The following ADAMTS19 variants were observed in gnomAD, a reference collection of about 807,000 sequenced individuals.
ADAMTS19 encodes the protein A disintegrin and metalloproteinase with thrombospondin motifs 19.
Under a neutral mutation model 153.3 loss-of-function variants are expected in ADAMTS19, and 93 were observed. The observed-to-expected ratio is 0.61, with a 90% CI of 0.51 to 0.72. The LOEUF (loss-of-function observed/expected upper bound fraction) is 0.72. Ranked by LOEUF, ADAMTS19 falls within the 30% of genes least tolerant of loss-of-function variation. The pLI, the probability that ADAMTS19 is intolerant of heterozygous loss-of-function variation, is 0.00. For missense variants in ADAMTS19, 1,482 were observed against 1,552.1 expected, an observed-to-expected ratio of 0.95 and a Z score of 0.76; for synonymous variants, 600 against 556.6, an observed-to-expected ratio of 1.08 and a Z score of -1.10.
intron 7 of ADAMTS19, among the ~76,000 whole-genome samples, chr5:129,564,067 G>A (rs1364258812): frequency 1.3e-5 from 2 of 152,104 alleles, no homozygotes; most frequent in Non-Finnish European, 2.9e-5. Context: ...TTACAGGCAT[G>A]TGCCACCATG....
chr5:129,680,023 C>G, intron 17 of ADAMTS19, 102 bp downstream of exon 17: 2 of 1,232,694 alleles, frequency 1.6e-6, no homozygotes, highest in Non-Finnish European at 2.2e-6. Context: ...AATTGTCACA[C>G]AGACATTTAA....
At chr5:129,650,752 C>G (rs1753281753) in intron 13 of ADAMTS19, among the ~76,000 whole-genome samples, 1 of 152,034 alleles carries the variant, frequency 6.6e-6, no homozygotes, top group South Asian at 2.1e-4. Context: ...ATATTTAAGA[C>G]TCTCCCACTA....
At chr5:129,540,521 T>C (rs995290043) in intron 6 of ADAMTS19, among the ~76,000 whole-genome samples, 2 of 152,098 alleles carry the variant, frequency 1.3e-5, no homozygotes, top group Non-Finnish European at 2.9e-5. Flanking sequence ...ATTTTATTAA[T>C]GATAGCTTTG....
chr5:129,696,061 C>T (rs1250434657), intron 19 of ADAMTS19, among the ~76,000 whole-genome samples: 3 of 152,136 alleles, frequency 2.0e-5, no homozygotes, highest in African/African-American at 7.2e-5. Flanking sequence ...CTTTCTTAAT[C>T]TCTTTGGGAA....
chr5:129,683,339 A>G (rs1754913373), intron 17 of ADAMTS19, among the ~76,000 whole-genome samples: 1 of 152,006 alleles, frequency 6.6e-6, no homozygotes, highest in Non-Finnish European at 1.5e-5. Context: ...TGGTCCCTGC[A>G]TATAGTTCAG....
At chr5:129,697,716 A>T (rs1047617767) in intron 19 of ADAMTS19, among the ~76,000 whole-genome samples, 7 of 152,248 alleles carry the variant, frequency 4.6e-5, no homozygotes, top group Admixed American at 2.0e-4. Context: ...TACATAAAGT[A>T]GCATTTTTGG....
intron 18 of ADAMTS19, among the ~76,000 whole-genome samples, chr5:129,690,079 T>C (rs1195473028): frequency 1.3e-5 from 2 of 152,220 alleles, no homozygotes; most frequent in Non-Finnish European, 2.9e-5. Flanking sequence ...TACATGCTTA[T>C]ATTTCACTCA....
At chr5:129,540,876 T>C (rs1752633168) in intron 6 of ADAMTS19, among the ~76,000 whole-genome samples, 1 of 152,058 alleles carries the variant, frequency 6.6e-6, no homozygotes, top group Non-Finnish European at 1.5e-5. Flanking sequence ...ATTCACATAA[T>C]GAAACTCTGT....
chr5:129,731,788 T>C (rs1007140664), intron 21 of ADAMTS19, among the ~76,000 whole-genome samples: 3 of 152,102 alleles, frequency 2.0e-5, no homozygotes, highest in Admixed American at 1.3e-4. Context: ...ACTTAAAAGA[T>C]GACAATCAGA....
At chr5:129,634,059 A>C (rs30696) in intron 10 of ADAMTS19, among the ~76,000 whole-genome samples, 63,579 of 151,870 alleles carry the variant, frequency 0.42, 14,809 homozygotes, top group African/African-American at 0.63. Context: ...TTCCAGTTGG[A>C]ACCTAATGTC....
At chr5:129,622,909 T>A (rs1035055809) in intron 10 of ADAMTS19, among the ~76,000 whole-genome samples, 11 of 152,186 alleles carry the variant, frequency 7.2e-5, no homozygotes, top group Admixed American at 3.9e-4. Context: ...TTCTTTTTTT[T>A]AAATTTGTTT....
At chr5:129,560,089 A>T (rs1276018272) in intron 7 of ADAMTS19, among the ~76,000 whole-genome samples, 1 of 152,190 alleles carries the variant, frequency 6.6e-6, no homozygotes, top group Non-Finnish European at 1.5e-5. Context: ...ATTTTAAGTG[A>T]GTATAAAATC....
chr5:129,663,784 G>A (rs544725688), intron 15 of ADAMTS19, among the ~76,000 whole-genome samples: 3 of 152,204 alleles, frequency 2.0e-5, no homozygotes, highest in African/African-American at 4.8e-5. Flanking sequence ...ATGTTTGATA[G>A]TTTCAAATTG....
At chr5:129,469,511 C>T (rs1749990171) in intron 2 of ADAMTS19, among the ~76,000 whole-genome samples, 1 of 151,950 alleles carries the variant, frequency 6.6e-6, no homozygotes. Flanking sequence ...ATATGCTTAC[C>T]CTTCTTTTTA....
intron 10 of ADAMTS19, among the ~76,000 whole-genome samples, chr5:129,625,745 C>G (rs1203054320): frequency 6.6e-6 from 1 of 151,986 alleles, no homozygotes; most frequent in African/African-American, 2.4e-5. Flanking sequence ...GGATATTATA[C>G]CTTTGTCAGA....
intron 8 of ADAMTS19, among the ~76,000 whole-genome samples, chr5:129,600,469 A>G (rs1168950942): frequency 1.3e-5 from 2 of 152,190 alleles, no homozygotes; most frequent in Non-Finnish European, 2.9e-5. Flanking sequence ...ATACCTTTAT[A>G]ATCACATATA....
In ADAMTS19 at chr5:129,641,924, C is replaced by G; in HGVS notation, c.1836C>G (p.Asp612Glu). 6.2e-7 allele frequency: 1 copy of G among 1,603,482 alleles called. No homozygotes were observed. The highest frequency in any genetic ancestry group is 1.4e-5 in the African/African-American group (1 of 73,684). ...AGAAAGAATGCAGAACCAAGCTAGA[C>G]CCACCAATGGATGGAACTGACTGTG... ...EGEKECRTKLDPPMDGTDCDL... is the reference protein window; with the variant it reads ...EGEKECRTKLEPPMDGTDCDL... Residue 612 changes from aspartate (D) to glutamate (E), a missense_variant, in exon 11 of 23, where the codon GAC becomes GAG. Physicochemically the swap from Asp to Glu is conservative, Grantham distance 45. Coordinates refer to ENST00000274487, the MANE Select transcript of ADAMTS19 (RefSeq NM_133638.6).
At chr5:129,710,234 G>T (rs569701059) in intron 21 of ADAMTS19, among the ~76,000 whole-genome samples, 1 of 152,202 alleles carries the variant, frequency 6.6e-6, no homozygotes, top group South Asian at 2.1e-4. Context: ...TTGCTTTTCT[G>T]TTCCTGTGTC....
At chr5:129,691,740 A>T (rs1194969412) in intron 18 of ADAMTS19, among the ~76,000 whole-genome samples, 1 of 152,174 alleles carries the variant, frequency 6.6e-6, no homozygotes, top group Non-Finnish European at 1.5e-5. Context: ...ATTCATACTC[A>T]TGCACCTTCA....
Sources: allele counts gnomAD v4.1 joint callset (sites outside exome capture counted in the v4.1 genomes callset), GRCh38; gene constraint gnomAD v4.1.1; transcripts MANE v1.5; gene names NCBI Gene and HGNC (gene_info 2026-07-23, HGNC 2026-07-21).